Variants in TAF3 observed in about 807,000 individuals in gnomAD.
The protein encoded by TAF3 is TATA-box binding protein associated factor 3, also known as transcription initiation factor TFIID subunit 3.
Under a neutral mutation model 80.6 loss-of-function variants are expected in TAF3, and 7 were observed. The ratio of observed to expected loss-of-function variants is 0.09; its 90% CI spans 0.05 to 0.16. The LOEUF is 0.16. Ranked by LOEUF, TAF3 falls within the 10% of genes least tolerant of loss-of-function variation. The pLI is 1.00. For synonymous variants in TAF3, 444 were observed against 446.1 expected (o/e 1.00, Z 0.06); for missense variants, 921 against 1,140.2 (o/e 0.81, Z 2.77).
At chr10:7,839,926 A>T (rs1463453468) in intron 2 of TAF3, among the ~76,000 whole-genome samples, 1 of 152,206 alleles carries the variant, frequency 6.6e-6, no homozygotes, top group Non-Finnish European at 1.5e-5. Flanking sequence ...CAGCATACAC[A>T]GATTGAGAGG....
At chr10:7,848,787 A>G (rs1564347036) in intron 2 of TAF3, among the ~76,000 whole-genome samples, 1 of 152,204 alleles carries the variant, frequency 6.6e-6, no homozygotes, top group Non-Finnish European at 1.5e-5. Flanking sequence ...AGTTTGGCAT[A>G]AACTTTATGC....
intron 4 of TAF3, among the ~76,000 whole-genome samples, chr10:8,008,715 G>GC (rs537210919): frequency 0.019 from 2,874 of 152,092 alleles, 41 homozygotes; most frequent in Admixed American, 0.028. Flanking sequence ...CCCCTGTCAG[G>GC]CCCCCCCGAG....
chr10:7,919,537 C>T (rs566836132), intron 2 of TAF3, among the ~76,000 whole-genome samples: 1 of 152,198 alleles, frequency 6.6e-6, no homozygotes, highest in Non-Finnish European at 1.5e-5. Flanking sequence ...CCAGTGGGAA[C>T]GGGGTTATAG....
At position 7,824,490 on chromosome 10, in the gene TAF3, A is replaced by G; in HGVS notation, c.339A>G (p.Gly113=). 6.2e-7 allele frequency: 1 copy of G among 1,614,180 alleles called. No homozygotes were observed. Among genetic ancestry groups the G allele is most frequent in the Non-Finnish European group, 8.5e-7 (1 of 1,180,022 alleles). ...KNNVLQFPQP[G]SKDAEERKEY... is the part of the protein sequence containing the mutation. Reference sequence around the variant, plus strand: ...ATGTACTTCAGTTTCCTCAACCTGGAAGTAAAGATGCAGAGGAAAGAAAAG... The same window carrying G: ...ATGTACTTCAGTTTCCTCAACCTGGGAGTAAAGATGCAGAGGAAAGAAAAG... The change falls in exon 2 of 7, where the codon GGA becomes GGG. Residue 113 remains glycine (G), a synonymous_variant. Coordinates refer to ENST00000344293, the MANE Select transcript of TAF3 (RefSeq NM_031923.4).
intron 2 of TAF3, among the ~76,000 whole-genome samples, chr10:7,947,639 T>C (rs1838038930): frequency 1.3e-5 from 2 of 151,870 alleles, no homozygotes; most frequent in Non-Finnish European, 2.9e-5. Context: ...TGCGAGAGCG[T>C]TGGGGAGAAG....
Position 7,818,528 on chromosome 10 carries a change from A to G in TAF3, c.-182A>G. On this transcript the variant is annotated 5_prime_UTR_variant, in exon 1 of 7. Transcript: ENST00000344293. Reference sequence around the variant, plus strand: ...CCAGCGGGAGGCGGAGCGAGTCCAAAATGGCGGCTCTCAGGCTGGCGCGCT... The same window carrying G: ...CCAGCGGGAGGCGGAGCGAGTCCAAGATGGCGGCTCTCAGGCTGGCGCGCT... 1 of 554,148 alleles carries G rather than the reference A, an allele frequency of 1.8e-6. No individual in the cohort carries two copies. The highest frequency in any genetic ancestry group is 2.0e-5 in the African/African-American group (1 of 50,534). The allele number at this position is 554,148 out of a possible 1,614,324, so 34.3% of individuals were successfully genotyped here.
chr10:7,991,453 GT>G (rs1469330485), intron 4 of TAF3, among the ~76,000 whole-genome samples: 1 of 151,438 alleles, frequency 6.6e-6, no homozygotes, highest in African/African-American at 2.4e-5. Flanking sequence ...TTGCACCATT[GT>G]TTTTTTTCCC....
chr10:7,872,555 A>G (rs1258357931), intron 2 of TAF3, among the ~76,000 whole-genome samples: 1 of 152,204 alleles, frequency 6.6e-6, no homozygotes, highest in East Asian at 1.9e-4. Context: ...GAACGTTTAA[A>G]ACTCCTGGTT....
At chr10:7,914,513 T>C (rs1393241318) in intron 2 of TAF3, among the ~76,000 whole-genome samples, 1 of 152,252 alleles carries the variant, frequency 6.6e-6, no homozygotes, top group Non-Finnish European at 1.5e-5. Context: ...TTGCCCACTT[T>C]GTACTCCGAG....
intron 2 of TAF3, among the ~76,000 whole-genome samples, chr10:7,905,219 AC>A (rs1249032073): frequency 3.9e-5 from 6 of 152,232 alleles, no homozygotes; most frequent in Non-Finnish European, 7.3e-5. Flanking sequence ...CCAGAGGTAG[AC>A]CGTACAGAAA....
chr10:7,924,332 T>A (rs753325465), intron 2 of TAF3, among the ~76,000 whole-genome samples: 41 of 152,170 alleles, frequency 2.7e-4, no homozygotes, highest in Non-Finnish European at 2.9e-5. Flanking sequence ...TGCTAGCATG[T>A]TTTGATTTTA....
chr10:8,010,944 C>G (rs931939709), intron 5 of TAF3, among the ~76,000 whole-genome samples: 9 of 152,172 alleles, frequency 5.9e-5, no homozygotes, highest in African/African-American at 2.2e-4. Context: ...ACCATGTCCA[C>G]TGAGTCCACA....
intron 2 of TAF3, among the ~76,000 whole-genome samples, chr10:7,954,679 C>A: frequency 7.7e-6 from 1 of 130,064 alleles, no homozygotes; most frequent in African/African-American, 2.8e-5. Context: ...GTGGATTAGT[C>A]CTAGTTAACA....
Position 7,964,421 on chromosome 10 carries a change from C to T in TAF3, c.911C>T (p.Thr304Ile), listed in dbSNP as rs774447724. The change falls in exon 3 of 7, where the codon ACT (threonine) becomes ATT (isoleucine). Residue 304 changes from threonine to isoleucine, a missense_variant. Thr to Ile is a moderately conservative substitution (Grantham distance 89, BLOSUM62 -1). This residue lies in a region of TAF3 where 743 missense variants were observed against 821.0 expected (regional missense o/e 0.90). Coordinates refer to ENST00000344293, the MANE Select transcript of TAF3 (RefSeq NM_031923.4). The surrounding 1 kb of genome is among the most constrained non-coding windows in gnomAD (Gnocchi z 4.1). ...GGAAGTCCTATTCGATCACCAAAAA[C>T]TGTATCCAAAGAAAAGAAATCACCT... ...MVGSPIRSPK[T>I]VSKEKKSPGR... 10 of 1,614,012 alleles carry T rather than the reference C, an allele frequency of 6.2e-6. No individual in the cohort carries two copies. In the South Asian group the frequency reaches 6.6e-5, roughly 11 times the overall value.
rs1455854326 is a variant in TAF3, at chr10:7,971,567, A to G, written c.2233-5674A>G. On this transcript the variant is annotated intron_variant, in intron 3 of 6. Coordinates refer to ENST00000344293, the MANE Select transcript of TAF3 (RefSeq NM_031923.4). ...TTACCTTTGCAGAAAGTCCCTGTCA[A>G]AAGATAAACTTTAAAGCTGGAATGC... Among the ~76,000 whole-genome samples the G allele has an allele frequency of 3.3e-5, 5 of 152,306 alleles. No individual in the cohort carries two copies. The South Asian group carries it at 8.3e-4, about 25-fold the overall frequency.
intron 2 of TAF3, among the ~76,000 whole-genome samples, chr10:7,951,699 A>G (rs369377030): frequency 1.3e-3 from 205 of 152,324 alleles, no homozygotes; most frequent in African/African-American, 4.7e-3. Flanking sequence ...TCTGACTCGT[A>G]CTTCTCATAC....
intron 2 of TAF3, among the ~76,000 whole-genome samples, chr10:7,919,017 T>C (rs1837738819): frequency 6.6e-6 from 1 of 152,074 alleles, no homozygotes; most frequent in African/African-American, 2.4e-5. Flanking sequence ...CTCAGAGGTT[T>C]AACAGGAAGG....
chr10:7,830,095 G>C (rs1024394743), intron 2 of TAF3, among the ~76,000 whole-genome samples: 3 of 151,736 alleles, frequency 2.0e-5, no homozygotes, highest in Admixed American at 6.6e-5. Flanking sequence ...GCATCTTCCC[G>C]TGTGACCTTT....
chr10:7,893,263 A>G (rs1402731268), intron 2 of TAF3, among the ~76,000 whole-genome samples: 2 of 152,226 alleles, frequency 1.3e-5, no homozygotes, highest in African/African-American at 4.8e-5. Flanking sequence ...TAGATTCCTG[A>G]AAGAAAGCTT....
Sources: allele counts gnomAD v4.1 joint callset (sites outside exome capture counted in the v4.1 genomes callset), GRCh38; gene constraint gnomAD v4.1.1; regional missense constraint gnomAD v4.1.1; non-coding constraint Gnocchi (gnomAD v3.1); transcripts MANE v1.5; gene names NCBI Gene and HGNC (gene_info 2026-07-23, HGNC 2026-07-21).